The following ZFHX4 variants were observed in gnomAD, a reference collection of about 807,000 sequenced individuals.
The protein encoded by ZFHX4 is zinc finger homeobox 4, also known as zinc finger homeobox protein 4.
ZFHX4 carries 56 observed loss-of-function variants against 267.6 expected under a neutral mutation model. That is an observed-to-expected ratio of 0.21 (90% CI 0.17 to 0.26). The LOEUF is 0.26. ZFHX4 is among the 10% of genes least tolerant of loss of function. The pLI is 1.00. For missense variants in ZFHX4, 4,332 were observed against 4,420.0 expected, an observed-to-expected ratio of 0.98 and a Z score of 0.56; for synonymous variants, 1,778 against 1,665.6, an observed-to-expected ratio of 1.07 and a Z score of -1.64.
At chr8:76,713,749 T>C (rs982558607) in intron 3 of ZFHX4, among the ~76,000 whole-genome samples, 2 of 152,186 alleles carry the variant, frequency 1.3e-5, no homozygotes, top group African/African-American at 4.8e-5. Flanking sequence ...AGAAGTCTTT[T>C]TCAGCGTGCA....
intron 3 of ZFHX4, among the ~76,000 whole-genome samples, chr8:76,769,309 A>T (rs1563511495): frequency 6.6e-6 from 1 of 151,772 alleles, no homozygotes; most frequent in South Asian, 2.1e-4. Flanking sequence ...TTAGAATTTG[A>T]TAAGTTTTAA....
At position 76,705,698 on chromosome 8, in the gene ZFHX4, A is replaced by C; in HGVS notation, c.1610A>C (p.Lys537Thr). 1 of 1,614,022 alleles carries C rather than the reference A, an allele frequency of 6.2e-7. No homozygotes were observed. Among genetic ancestry groups the C allele is most frequent in the Non-Finnish European group, 8.5e-7 (1 of 1,179,906 alleles). The change falls in exon 2 of 11, where the codon AAA becomes ACA. Residue 537 changes from lysine to threonine, a missense_variant. Lys to Thr is a moderately conservative substitution (Grantham distance 78, BLOSUM62 -1). Transcript: ENST00000651372. Reference sequence around the variant, plus strand: ...GTTTCTGATGACACAGAAAAGAAAAAACAGACTGCTGCTGTTAGGGCCAGT... The same window carrying C: ...GTTTCTGATGACACAGAAAAGAAAACACAGACTGCTGCTGTTAGGGCCAGT... The part of the protein sequence containing the change: ...ATVSDDTEKK[K>T]QTAAVRASGS...
chr8:76,830,175 C>T (rs778053633), intron 4 of ZFHX4, among the ~76,000 whole-genome samples: 6 of 152,138 alleles, frequency 3.9e-5, no homozygotes, highest in South Asian at 2.1e-4. Context: ...TTGTTGATGG[C>T]GATTGGGATG....
At chr8:76,785,144 A>G (rs1212070758) in intron 4 of ZFHX4, among the ~76,000 whole-genome samples, 1 of 152,110 alleles carries the variant, frequency 6.6e-6, no homozygotes, top group Admixed American at 6.6e-5. Context: ...TATAATGTAA[A>G]GCTGTATCCC....
At chr8:76,833,683 T>C (rs149174804) in intron 5 of ZFHX4, 1 of 347,252 alleles carries the variant, frequency 2.9e-6, no homozygotes, top group Non-Finnish European at 5.4e-6. Flanking sequence ...ATCACTGCCC[T>C]CCCCACCAGA....
At chr8:76,776,154 C>A (rs1810395506) in intron 3 of ZFHX4, among the ~76,000 whole-genome samples, 1 of 151,660 alleles carries the variant, frequency 6.6e-6, no homozygotes, top group South Asian at 2.1e-4. Context: ...GCATACTGTG[C>A]GTGCTATAAA....
intron 4 of ZFHX4, among the ~76,000 whole-genome samples, chr8:76,781,241 A>G (rs1810537364): frequency 6.6e-6 from 1 of 152,054 alleles, no homozygotes. Flanking sequence ...TTTACCTCCA[A>G]CTTTATTTTA....
At chr8:76,726,918 A>T (rs1282733688) in intron 3 of ZFHX4, among the ~76,000 whole-genome samples, 1 of 152,176 alleles carries the variant, frequency 6.6e-6, no homozygotes, top group Non-Finnish European at 1.5e-5. Context: ...CATTCACAGA[A>T]CAGAAAAGAA....
In ZFHX4 at chr8:76,736,923, C is replaced by A. The variant is rs190165906; in HGVS notation, c.3093+28875C>A. On this transcript the variant is annotated intron_variant, in intron 3 of 10. Transcript: ENST00000651372. ...ATTATGTCATCACAGATAAAAGGAACATTGAGCATCAGATGACACATGTGA... is the reference window on the plus strand; with the variant it reads ...ATTATGTCATCACAGATAAAAGGAAAATTGAGCATCAGATGACACATGTGA... Among the ~76,000 whole-genome samples the A allele has an allele frequency of 3.9e-5, 6 of 152,188 alleles. No individual in the cohort carries two copies. The East Asian group carries it at 7.7e-4, about 20-fold the overall frequency.
intron 1 of ZFHX4, among the ~76,000 whole-genome samples, chr8:76,682,111 C>A (rs1192751477): frequency 2.6e-5 from 4 of 152,008 alleles, no homozygotes; most frequent in African/African-American, 7.2e-5. Context: ...CAGGGGTCTC[C>A]GCTCGCCCCG....
chr8:76,771,485 C>T (rs1810262508), intron 3 of ZFHX4, among the ~76,000 whole-genome samples: 1 of 152,028 alleles, frequency 6.6e-6, no homozygotes, highest in Non-Finnish European at 1.5e-5. Flanking sequence ...GTTGCCCAGG[C>T]TAGAGTGCAG....
chr8:76,757,900 G>T (rs1809806083), intron 3 of ZFHX4, among the ~76,000 whole-genome samples: 1 of 152,162 alleles, frequency 6.6e-6, no homozygotes, highest in Admixed American at 6.5e-5. Flanking sequence ...AGCAGGTGAT[G>T]GTGGACCAGG....
At chr8:76,827,950 A>G (rs1394881167) in intron 4 of ZFHX4, among the ~76,000 whole-genome samples, 1 of 152,262 alleles carries the variant, frequency 6.6e-6, no homozygotes, top group African/African-American at 2.4e-5. Flanking sequence ...ATAATTTAAG[A>G]GAAAGCACTA....
chr8:76,862,888 G>A (rs1028735990), intron 10 of ZFHX4, among the ~76,000 whole-genome samples: 1 of 151,826 alleles, frequency 6.6e-6, no homozygotes, highest in African/African-American at 2.4e-5. Flanking sequence ...TATTGGTGGG[G>A]GTTAAAACTA....
chr8:76,771,809 A>T (rs1256756561), intron 3 of ZFHX4, among the ~76,000 whole-genome samples: 1 of 152,124 alleles, frequency 6.6e-6, no homozygotes, highest in Non-Finnish European at 1.5e-5. Flanking sequence ...AAATGTAGAG[A>T]TGTTGATAGA....
rs200211434 is a variant in ZFHX4, at chr8:76,777,366, A to AT, written c.3094-833dup. Among the ~76,000 whole-genome samples the AT allele has an allele frequency of 1.8e-3, 269 of 151,632 alleles. 1 individual carries two copies. Among genetic ancestry groups the AT allele is most frequent in the African/African-American group, 6.2e-3 (257 of 41,394 alleles). On this transcript the variant is annotated intron_variant, in intron 3 of 10. Transcript: ENST00000651372. ...AGAGTCAGCAGAGCTTGCGAAACAG[A>AT]TTTTTTTTTAGCAAAAATTTGTTGT...
At chr8:76,835,632 T>C (rs1297103913) in intron 5 of ZFHX4, among the ~76,000 whole-genome samples, 3 of 152,086 alleles carry the variant, frequency 2.0e-5, no homozygotes, top group African/African-American at 4.8e-5. Context: ...TTTAAAATCT[T>C]ATTTTCTCCT....
At chr8:76,682,016 C>A (rs892054713) in intron 1 of ZFHX4, among the ~76,000 whole-genome samples, 4 of 152,192 alleles carry the variant, frequency 2.6e-5, no homozygotes, top group Non-Finnish European at 5.9e-5. Context: ...TTTTCCCTGT[C>A]TTTTCGGGTT....
At chr8:76,766,831 T>TGAATAAATTATTCAA (rs1489703356) in intron 3 of ZFHX4, among the ~76,000 whole-genome samples, 1 of 147,562 alleles carries the variant, frequency 6.8e-6, no homozygotes, top group Non-Finnish European at 1.5e-5. Flanking sequence ...CAATTACTAT[T>TGAATAAATTATTCAA]TAAATAATTT....
Sources: allele counts gnomAD v4.1 joint callset (sites outside exome capture counted in the v4.1 genomes callset), GRCh38; gene constraint gnomAD v4.1.1; transcripts MANE v1.5; gene names NCBI Gene and HGNC (gene_info 2026-07-23, HGNC 2026-07-21).